Variants in BRSK2 observed in about 807,000 individuals in gnomAD.
The protein encoded by BRSK2 is BR serine/threonine kinase 2.
BRSK2 carries 19 observed loss-of-function variants against 83.3 expected under a neutral mutation model. The observed-to-expected ratio is 0.23, with a 90% CI of 0.16 to 0.33. The LOEUF (loss-of-function observed/expected upper bound fraction) is 0.33. BRSK2 is among the 10% of genes least tolerant of loss of function. BRSK2 has a pLI of 1.00. For synonymous variants in BRSK2, 519 were observed against 435.4 expected (o/e 1.19, Z -2.39); for missense variants, 798 against 1,042.3 (o/e 0.77, Z 3.23).
chr11:1,447,992 GC>G, intron 12 of BRSK2: 1 of 947,868 alleles, frequency 1.1e-6, no homozygotes, highest in Non-Finnish European at 1.6e-6. Context: ...GGTGAAGCCA[GC>G]CAGCAAGCCA....
rs981659272 is a variant in BRSK2 at position 1,461,298 on chromosome 11, C to T, written c.*575C>T. ...CCACAGGAACAGGCCCCGTCCACCG[C>T]CTCCACGCCGCACCTGGAGGCCTCC... On this transcript the variant is annotated 3_prime_UTR_variant, in exon 20 of 20. Coordinates refer to ENST00000528841, the MANE Select transcript of BRSK2 (RefSeq NM_001256627.2). 6.5e-6 allele frequency: 3 copies of T among 459,502 alleles called. No individual in the cohort carries two copies. Among genetic ancestry groups the T allele is most frequent in the Non-Finnish European group, 1.2e-5 (3 of 258,578 alleles). 28.5% of individuals were successfully genotyped at this position (459,502 alleles called of 1,614,324 possible). A position where few individuals can be genotyped will look rare whatever the true frequency, so the allele number is the denominator to read the frequency against.
intron 1 of BRSK2, among the ~76,000 whole-genome samples, chr11:1,399,803 C>T (rs1350451918): frequency 6.6e-6 from 1 of 152,194 alleles, no homozygotes; most frequent in Non-Finnish European, 1.5e-5. Flanking sequence ...GCCCAGCCTC[C>T]TTCTTCCTTG....
At chr11:1,433,755 C>G (rs1234396745) in intron 1 of BRSK2, among the ~76,000 whole-genome samples, 2 of 152,244 alleles carry the variant, frequency 1.3e-5, no homozygotes, top group African/African-American at 4.8e-5. Flanking sequence ...AAGCCTTGTG[C>G]TGGATCAAAG....
At chr11:1,401,784 C>T (rs1846496174) in intron 1 of BRSK2, among the ~76,000 whole-genome samples, 1 of 152,230 alleles carries the variant, frequency 6.6e-6, no homozygotes, top group South Asian at 2.1e-4. Flanking sequence ...AGGGAGCTGT[C>T]CAGCACCAGC....
chr11:1,403,874 C>A (rs1846657801), intron 1 of BRSK2, among the ~76,000 whole-genome samples: 1 of 152,160 alleles, frequency 6.6e-6, no homozygotes, highest in African/African-American at 2.4e-5. Context: ...AGCGCTTCCC[C>A]ACGTGGGGAG....
chr11:1,393,931 GT>G, intron 1 of BRSK2, among the ~76,000 whole-genome samples: 2 of 76,084 alleles, frequency 2.6e-5, no homozygotes, highest in Admixed American at 1.6e-4. Context: ...ATGGAGATGG[GT>G]CCTGGAGATG....
chr11:1,412,070 C>T (rs1590365715), intron 1 of BRSK2, among the ~76,000 whole-genome samples: 1 of 1,564 alleles, frequency 6.4e-4, no homozygotes, highest in Non-Finnish European at 1.6e-3. Flanking sequence ...CCCCGTCCTG[C>T]GGTGGGTGGA....
chr11:1,415,952 T>C (rs1342449173), intron 1 of BRSK2, among the ~76,000 whole-genome samples: 1 of 152,248 alleles, frequency 6.6e-6, no homozygotes, highest in African/African-American at 2.4e-5. Flanking sequence ...GATGTAGGTT[T>C]TTCAGACTGG....
intron 1 of BRSK2, among the ~76,000 whole-genome samples, chr11:1,418,449 T>G (rs868547922): frequency 8.2e-5 from 12 of 145,456 alleles, no homozygotes; most frequent in African/African-American, 2.8e-4. Context: ...CTGCTTCTGT[T>G]GGCTGTTTCT....
chr11:1,443,798 A>G (rs1020221614), intron 8 of BRSK2, among the ~76,000 whole-genome samples, 163 bp downstream of exon 8: 1 of 150,716 alleles, frequency 6.6e-6, no homozygotes, highest in Admixed American at 6.6e-5. Context: ...GCTTGTGTTC[A>G]GGTGTGGGTG....
Position 1,450,646 on chromosome 11 carries a change from C to T in BRSK2, c.1347C>T (p.Val449=). 6.2e-7 allele frequency: 1 copy of T among 1,608,804 alleles called. No homozygotes were observed. The highest frequency in any genetic ancestry group is 8.5e-7 in the Non-Finnish European group (1 of 1,178,482). The change falls in exon 14 of 20, where the codon GTC becomes GTT. Residue 449 remains valine (V), a synonymous_variant. Transcript: ENST00000528841. ...TCCCCACCCCCAAGGGGACACCTGT[C>T]CACACGCCAAAGGAGAGCCCGGCTG... The part of the protein sequence containing the change: ...SPLPTPKGTP[V]HTPKESPAGT...
chr11:1,451,449 T>C, intron 15 of BRSK2, 30 bp downstream of exon 15: 3 of 1,609,586 alleles, frequency 1.9e-6, no homozygotes, highest in African/African-American at 2.7e-5. Flanking sequence ...GGCCTCCTGG[T>C]ACCTGACACC....
At position 1,461,214 on chromosome 11, in the gene BRSK2, C is replaced by G; in HGVS notation, c.*491C>G. On this transcript the variant is annotated 3_prime_UTR_variant, in exon 20 of 20. Transcript: ENST00000528841. ...CCGGACTCCCGGTCACCTGACCCCT[C>G]AGCAAGAACAGCCTGCCTGGTGGCC... is the stretch of plus-strand genomic sequence containing the variant. The G allele has an allele frequency of 1.6e-6, 1 of 636,730 alleles. No individual in the cohort carries two copies. Among genetic ancestry groups the G allele is most frequent in the East Asian group, 3.1e-5 (1 of 32,712 alleles). The allele number at this position is 636,730 out of a possible 1,614,324, so 39.4% of individuals were successfully genotyped here.
At chr11:1,405,395 G>GCCCA (rs1467677287) in intron 1 of BRSK2, among the ~76,000 whole-genome samples, 1 of 152,092 alleles carries the variant, frequency 6.6e-6, no homozygotes, top group African/African-American at 2.4e-5. Context: ...TGCCAGCCTT[G>GCCCA]CCCAGCCTTC....
chr11:1,391,549 G>T (rs983123126), intron 1 of BRSK2, among the ~76,000 whole-genome samples: 2 of 152,196 alleles, frequency 1.3e-5, no homozygotes, highest in Non-Finnish European at 2.9e-5. Context: ...CAGGGGAGCT[G>T]CCTCACCTTG....
In BRSK2 at chr11:1,406,947, G is replaced by A. The variant is rs114293831; in HGVS notation, c.91+16572G>A. ...TGCGTCTGCATGTGCAGGTGTGTGC[G>A]TGCGTGCCTGCCTGTGCGTGCAAAC... On this transcript the variant is annotated intron_variant, in intron 1 of 19. Transcript: ENST00000528841. Among the ~76,000 whole-genome samples the A allele has an allele frequency of 9.3e-3, 1,411 of 152,316 alleles. 21 individuals carry two copies. The highest frequency in any genetic ancestry group is 0.032 in the African/African-American group (1,315 of 41,568).
intron 1 of BRSK2, among the ~76,000 whole-genome samples, chr11:1,396,210 CACTCCT>C (rs1846086389): frequency 1.8e-4 from 20 of 111,732 alleles, no homozygotes; most frequent in Middle Eastern, 9.3e-3. Flanking sequence ...CCACGTCCCC[CACTCCT>C]GGTCCCTCTT....
At chr11:1,402,221 C>T (rs114538704) in intron 1 of BRSK2, among the ~76,000 whole-genome samples, 2,853 of 152,288 alleles carry the variant, frequency 0.019, 84 homozygotes, top group African/African-American at 0.063. Flanking sequence ...CGGGGCTCCC[C>T]GGGGCGGGGC....
At chr11:1,436,675 A>T (rs888505177) in intron 2 of BRSK2, among the ~76,000 whole-genome samples, 7 of 151,804 alleles carry the variant, frequency 4.6e-5, no homozygotes, top group African/African-American at 1.7e-4. Context: ...GGGAAGCCTG[A>T]CCCTGGGTGT....
Sources: gnomAD v4.1 joint callset for allele counts (sites outside exome capture counted in the v4.1 genomes callset) on GRCh38, gnomAD v4.1.1 for gene constraint, MANE v1.5 for transcripts, NCBI Gene and HGNC (gene_info 2026-07-23, HGNC 2026-07-21) for gene names.